Variants in PEX5L observed in about 807,000 individuals in gnomAD.
PEX5L encodes the protein peroxisomal biogenesis factor 5 like, also known as PEX5-related protein.
Under a neutral mutation model 84.0 loss-of-function variants are expected in PEX5L, and 30 were observed. The observed-to-expected ratio is 0.36, with a 90% CI of 0.27 to 0.48. PEX5L has a LOEUF of 0.48. Ranked by LOEUF, PEX5L falls within the 20% of genes least tolerant of loss-of-function variation. PEX5L has a pLI of 0.99. For missense variants in PEX5L, 533 were observed against 754.6 expected (o/e 0.71, Z 3.44); for synonymous variants, 270 against 283.1 (o/e 0.95, Z 0.46).
chr3:179,873,094 T>G (rs28619517), intron 7 of PEX5L, among the ~76,000 whole-genome samples: 50,380 of 151,952 alleles, frequency 0.33, 8,566 homozygotes, highest in African/African-American at 0.38. Context: ...AGGCTTTCTA[T>G]TTGCTGAAGA....
At chr3:179,974,773 A>G (rs375526952) in intron 1 of PEX5L, among the ~76,000 whole-genome samples, 9 of 152,194 alleles carry the variant, frequency 5.9e-5, no homozygotes, top group African/African-American at 1.9e-4. Context: ...TTGCCTCTCT[A>G]CAGACTTCCA....
intron 2 of PEX5L, among the ~76,000 whole-genome samples, chr3:179,969,749 C>A (rs1784279794): frequency 1.3e-5 from 2 of 152,046 alleles, no homozygotes; most frequent in Non-Finnish European, 2.9e-5. Flanking sequence ...TGAGTCACTG[C>A]CAAACAGTAC....
intron 1 of PEX5L, among the ~76,000 whole-genome samples, chr3:180,015,312 C>T (rs1193693868): frequency 6.6e-6 from 1 of 152,168 alleles, no homozygotes; most frequent in African/African-American, 2.4e-5. Context: ...AGCCAAATTT[C>T]TGGTTCAAAT....
chr3:179,858,597 CA>C (rs983070584), intron 8 of PEX5L, among the ~76,000 whole-genome samples: 40 of 152,172 alleles, frequency 2.6e-4, no homozygotes, highest in African/African-American at 9.6e-4. Context: ...TAGAATATTC[CA>C]GCCATGCCCT....
At chr3:179,842,328 C>T (rs555681966) in intron 8 of PEX5L, among the ~76,000 whole-genome samples, 5 of 152,200 alleles carry the variant, frequency 3.3e-5, no homozygotes, top group African/African-American at 1.2e-4. Flanking sequence ...ATGGACACAG[C>T]AGGACTTCAG....
intron 8 of PEX5L, among the ~76,000 whole-genome samples, chr3:179,829,963 T>C (rs977395706): frequency 7.2e-6 from 1 of 138,418 alleles, no homozygotes; most frequent in African/African-American, 2.7e-5. Context: ...TTTTTTTTTT[T>C]TTTTTGTATT....
At chr3:179,871,065 TCTC>T (rs1180791939) in intron 7 of PEX5L, among the ~76,000 whole-genome samples, 4 of 151,672 alleles carry the variant, frequency 2.6e-5, no homozygotes, top group African/African-American at 9.7e-5. Flanking sequence ...GAAGAAAACA[TCTC>T]CTTGATTTTC....
chr3:179,862,807 CATG>C (rs1031018025), intron 7 of PEX5L, among the ~76,000 whole-genome samples: 10 of 152,108 alleles, frequency 6.6e-5, no homozygotes, highest in African/African-American at 2.4e-4. Flanking sequence ...TCAAAATTCC[CATG>C]ATGTTTTCCA....
chr3:179,975,895 A>G (rs1358405470), intron 1 of PEX5L, among the ~76,000 whole-genome samples: 2 of 152,244 alleles, frequency 1.3e-5, no homozygotes, highest in African/African-American at 4.8e-5. Context: ...AAATGTGCTG[A>G]AAAGATACTT....
intron 2 of PEX5L, among the ~76,000 whole-genome samples, chr3:179,909,736 G>C (rs1764522589): frequency 6.6e-6 from 1 of 152,150 alleles, no homozygotes; most frequent in South Asian, 2.1e-4. Flanking sequence ...AGTCATTGGA[G>C]TGGGTCCTAA....
At chr3:179,856,055 C>G (rs990098567) in intron 8 of PEX5L, among the ~76,000 whole-genome samples, 2 of 152,186 alleles carry the variant, frequency 1.3e-5, no homozygotes, top group African/African-American at 4.8e-5. Context: ...TTTCAACTTG[C>G]TAGTTGACTT....
intron 7 of PEX5L, among the ~76,000 whole-genome samples, chr3:179,867,025 C>CAAAAAAAAAAAAAAAAGA (rs1485824165): frequency 2.2e-5 from 2 of 89,402 alleles, no homozygotes; most frequent in African/African-American, 4.3e-5. Context: ...GACTCTGTCT[C>CAAAAAAAAAAAAAAAAGA]AAAAAAAAAA....
Position 179,942,034 on chromosome 3 carries a change from A to AAAG in PEX5L, c.93+29557_93+29559dup, listed in dbSNP as rs1553908760. 1.1e-4 allele frequency among the ~76,000 whole-genome samples: 16 copies of AAAG among 151,440 alleles called. No homozygotes were observed. The East Asian group carries it at 1.3e-3, about 13-fold the overall frequency. ...AGACTCCTCAAAAAAAAAAAAAAAA[A>AAAG]AAGAAGAAAAGAAAAGATTATCAGC... is the stretch of plus-strand genomic sequence containing the variant. On this transcript the variant is annotated intron_variant, in intron 2 of 14. Coordinates refer to ENST00000467460, the MANE Select transcript of PEX5L (RefSeq NM_016559.3).
chr3:179,877,985 C>T (rs554955777), intron 5 of PEX5L, among the ~76,000 whole-genome samples: 2 of 152,304 alleles, frequency 1.3e-5, no homozygotes, highest in East Asian at 3.9e-4. Flanking sequence ...AAGAGCTCAT[C>T]TACACCCATG....
chr3:179,865,511 CTTT>C (rs56886685), intron 7 of PEX5L, among the ~76,000 whole-genome samples: 1 of 141,884 alleles, frequency 7.0e-6, no homozygotes. Context: ...TCAATGCAAA[CTTT>C]TTTTTTTTTT....
intron 11 of PEX5L, 151 bp downstream of exon 11, chr3:179,811,650 G>A: frequency 1.5e-6 from 1 of 657,524 alleles, no homozygotes; most frequent in East Asian, 2.6e-5. Flanking sequence ...GTTTTTCAGA[G>A]CTAAGTGTGA....
chr3:179,920,911 A>G (rs961048261), intron 2 of PEX5L, among the ~76,000 whole-genome samples: 3 of 152,222 alleles, frequency 2.0e-5, no homozygotes, highest in Non-Finnish European at 4.4e-5. Context: ...TATACACAGT[A>G]TAATATATAC....
At chr3:179,855,790 C>T (rs1377078373) in intron 8 of PEX5L, among the ~76,000 whole-genome samples, 1 of 152,168 alleles carries the variant, frequency 6.6e-6, no homozygotes. Flanking sequence ...GAGGACCCAG[C>T]AAGAAGGTGC....
chr3:179,905,562 C>A (rs1437245322), intron 2 of PEX5L, among the ~76,000 whole-genome samples: 3 of 152,142 alleles, frequency 2.0e-5, no homozygotes, highest in Non-Finnish European at 4.4e-5. Flanking sequence ...CCCCGCCAAT[C>A]TGTGTCCTTT....
Sources: allele counts gnomAD v4.1 joint callset (sites outside exome capture counted in the v4.1 genomes callset), GRCh38; gene constraint gnomAD v4.1.1; transcripts MANE v1.5; gene names NCBI Gene and HGNC (gene_info 2026-07-23, HGNC 2026-07-21).